The following CLASP1 variants were observed in gnomAD, a reference collection of about 807,000 sequenced individuals.
The protein encoded by CLASP1 is CLIP-associating protein 1.
Under a neutral mutation model 192.3 loss-of-function variants are expected in CLASP1, and 38 were observed. That is an observed-to-expected ratio of 0.20 (90% CI 0.15 to 0.26). CLASP1 has a LOEUF of 0.26. Ranked by LOEUF, CLASP1 falls within the 10% of genes least tolerant of loss-of-function variation. The probability of loss-of-function intolerance (pLI) is 1.00; values close to 1 mark genes in which losing one functional copy is unlikely to be tolerated. For synonymous variants in CLASP1, 691 were observed against 712.8 expected (o/e 0.97, Z 0.49); for missense variants, 1,433 against 1,932.5 (o/e 0.74, Z 4.85).
intron 19 of CLASP1, among the ~76,000 whole-genome samples, chr2:121,438,545 T>C (rs2082710593): frequency 1.3e-5 from 2 of 152,224 alleles, no homozygotes; most frequent in African/African-American, 4.8e-5. Flanking sequence ...GTCTAGCTAT[T>C]CACATCAATA....
At chr2:121,409,306 G>A (rs539662365) in intron 24 of CLASP1, among the ~76,000 whole-genome samples, 5 of 152,220 alleles carry the variant, frequency 3.3e-5, no homozygotes, top group Admixed American at 6.5e-5. Context: ...TTCCCATATC[G>A]GTGAGGCAAA....
intron 2 of CLASP1, among the ~76,000 whole-genome samples, chr2:121,536,074 T>C (rs2095059898): frequency 6.6e-6 from 1 of 151,810 alleles, no homozygotes; most frequent in Non-Finnish European, 1.5e-5. Context: ...GGAAAATGGT[T>C]ATAGCAGTTC....
chr2:121,464,312 G>A (rs963719234), intron 9 of CLASP1, among the ~76,000 whole-genome samples: 2 of 152,058 alleles, frequency 1.3e-5, no homozygotes, highest in African/African-American at 4.8e-5. Flanking sequence ...ACATACGTGT[G>A]CATGTGTCTT....
At chr2:121,491,471 TAAAG>T (rs1257083638) in intron 8 of CLASP1, among the ~76,000 whole-genome samples, 2 of 152,214 alleles carry the variant, frequency 1.3e-5, no homozygotes, top group Non-Finnish European at 2.9e-5. Context: ...TGGTTGCAGA[TAAAG>T]GACACTGAGT....
intron 19 of CLASP1, among the ~76,000 whole-genome samples, chr2:121,441,876 G>A (rs987376607): frequency 7.2e-5 from 11 of 151,974 alleles, no homozygotes; most frequent in African/African-American, 2.2e-4. Flanking sequence ...ACAGTTCTTG[G>A]ATAATTTTTT....
chr2:121,596,478 G>A (rs1452253174), intron 2 of CLASP1, among the ~76,000 whole-genome samples: 1 of 152,166 alleles, frequency 6.6e-6, no homozygotes, highest in Admixed American at 6.5e-5. Flanking sequence ...TAAAAACCTC[G>A]ATGAAAGCCA....
chr2:121,521,526 A>C (rs893037098), intron 6 of CLASP1, among the ~76,000 whole-genome samples: 2 of 152,144 alleles, frequency 1.3e-5, no homozygotes, highest in African/African-American at 2.4e-5. Context: ...TACGTCATGC[A>C]GAATGACACA....
chr2:121,414,320 C>T (rs1023376708), intron 23 of CLASP1, among the ~76,000 whole-genome samples, 117 bp from the exon 24 acceptor site: 18 of 152,166 alleles, frequency 1.2e-4, no homozygotes, highest in African/African-American at 3.1e-4. Flanking sequence ...TGTTTTCTCA[C>T]GAGAAGAAAT....
chr2:121,531,038 T>A (rs2094822221), intron 2 of CLASP1: 3 of 699,528 alleles, frequency 4.3e-6, no homozygotes, highest in Middle Eastern at 3.7e-4. Flanking sequence ...ACTTATCAGT[T>A]CAAACAGCAG....
In CLASP1 at chr2:121,641,590, A is replaced by G. The variant is rs150510863; in HGVS notation, c.-286+7782T>C. Among the ~76,000 whole-genome samples, 497 of 152,344 alleles carry G rather than the reference A, an allele frequency of 3.3e-3. 3 individuals are homozygous for G. Among genetic ancestry groups the G allele is most frequent in the African/African-American group, 0.011 (467 of 41,578 alleles). On this transcript the variant is annotated intron_variant, in intron 1 of 39. Coordinates refer to ENST00000263710, the Ensembl canonical transcript of CLASP1. ...GGATTGGAAACCAAGGAAGTAACAG[A>G]GACCACCTGCATGTAATACCCAATG...
At chr2:121,403,007 T>C (rs930976448) in intron 26 of CLASP1, among the ~76,000 whole-genome samples, 1 of 152,196 alleles carries the variant, frequency 6.6e-6, no homozygotes, top group Non-Finnish European at 1.5e-5. Flanking sequence ...AATTTTTATA[T>C]TTTTAGTAGA....
chr2:121,370,860 A>G (rs973879471), intron 34 of CLASP1, among the ~76,000 whole-genome samples: 7 of 152,030 alleles, frequency 4.6e-5, no homozygotes, highest in Admixed American at 1.3e-4. Context: ...AACTCTCATC[A>G]CAGTATTTTT....
At chr2:121,452,113 G>C (rs2085608805) in intron 14 of CLASP1, among the ~76,000 whole-genome samples, 1 of 152,096 alleles carries the variant, frequency 6.6e-6, no homozygotes, top group Non-Finnish European at 1.5e-5. Flanking sequence ...TGCACTTCAT[G>C]GCAACATCAC....
chr2:121,511,859 A>G (rs1042551382), intron 7 of CLASP1, among the ~76,000 whole-genome samples: 1 of 152,152 alleles, frequency 6.6e-6, no homozygotes, highest in Non-Finnish European at 1.5e-5. Context: ...GACAAAAAAT[A>G]AAATTAAAAA....
At chr2:121,530,568 G>C in intron 2 of CLASP1, 1 of 539,546 alleles carries the variant, frequency 1.9e-6, no homozygotes, top group African/African-American at 1.9e-5. Flanking sequence ...ATACAGCGTA[G>C]CCAAACCCGG....
chr2:121,374,470 A>T (rs2069518703), intron 34 of CLASP1, among the ~76,000 whole-genome samples: 1 of 152,244 alleles, frequency 6.6e-6, no homozygotes. Flanking sequence ...GGCACTGCCT[A>T]GCAGAGCAGT....
At chr2:121,478,893 ACACACACCACAC>A (rs551138425) in intron 8 of CLASP1, among the ~76,000 whole-genome samples, 1,107 of 43,656 alleles carry the variant, frequency 0.025, 25 homozygotes, top group South Asian at 0.089. Context: ...CACACCACAC[ACACACACCACAC>A]CACACACACC....
rs568985452 is a variant in CLASP1, at chr2:121,472,913, A to T, written c.713-2953T>A. On this transcript the variant is annotated intron_variant, in intron 8 of 39. Coordinates refer to ENST00000263710, the Ensembl canonical transcript of CLASP1. ...ATGAAATCTGCCCTATCAGAGCTTA[A>T]AAGCAGGCCTACAGGGCATTAGGCA... 2.4e-4 allele frequency among the ~76,000 whole-genome samples: 37 copies of T among 152,346 alleles called. No homozygotes were observed. The South Asian group carries it at 7.5e-3, about 31-fold the overall frequency.
At chr2:121,550,829 C>T (rs2057971425) in intron 2 of CLASP1, among the ~76,000 whole-genome samples, 2 of 152,206 alleles carry the variant, frequency 1.3e-5, no homozygotes, top group South Asian at 4.1e-4. Context: ...GAAACTACTC[C>T]AAACACTTGA....
Sources: gnomAD v4.1 joint callset for allele counts (sites outside exome capture counted in the v4.1 genomes callset) on GRCh38, gnomAD v4.1.1 for gene constraint, MANE v1.5 for transcripts, NCBI Gene and HGNC (gene_info 2026-07-23, HGNC 2026-07-21) for gene names.